Variants in SPTB observed in about 807,000 individuals in gnomAD.
SPTB encodes the protein spectrin beta chain, erythrocytic.
SPTB carries 45 observed loss-of-function variants against 256.2 expected under a neutral mutation model. That is an observed-to-expected ratio of 0.18 (90% confidence interval 0.14 to 0.23). SPTB has a LOEUF of 0.23. Ranked by LOEUF, SPTB falls within the 10% of genes least tolerant of loss-of-function variation. SPTB has a pLI of 1.00. For synonymous variants in SPTB, 1,231 were observed against 1,243.1 expected (o/e 0.99, Z 0.21); for missense variants, 2,715 against 3,040.4 (o/e 0.89, Z 2.52).
At chr14:64,837,233 C>G (rs935194086) in intron 1 of SPTB, among the ~76,000 whole-genome samples, 1 of 152,160 alleles carries the variant, frequency 6.6e-6, no homozygotes, top group Non-Finnish European at 1.5e-5. Context: ...TCTTCATAAC[C>G]AAGAGATTTG....
At chr14:64,769,565 G>T in intron 28 of SPTB, 25 bp downstream of exon 28, 1 of 1,612,932 alleles carries the variant, frequency 6.2e-7, no homozygotes, top group Non-Finnish European at 8.5e-7. Context: ...GGAGGAGCTC[G>T]CCTCCATCCT....
chr14:64,842,254 C>T (rs1395079207), intron 1 of SPTB, among the ~76,000 whole-genome samples: 1 of 152,196 alleles, frequency 6.6e-6, no homozygotes, highest in East Asian at 1.9e-4. Flanking sequence ...AAAATGCTCG[C>T]CACATCTCGT....
chr14:64,855,795 T>C (rs1011791817), intron 1 of SPTB, among the ~76,000 whole-genome samples: 8 of 152,162 alleles, frequency 5.3e-5, no homozygotes, highest in Non-Finnish European at 8.8e-5. Flanking sequence ...GTTCCAGGCA[T>C]GTGGTCTGCC....
chr14:64,760,770 ACT>A lies in SPTB; in HGVS notation c.6345+5954_6345+5955del, dbSNP rs1200606713. ...CTCCCAGCCTCTCTGTAAGGCAGGT[ACT>A]GTTATTACACCTGTGTTACAAATGA... On this transcript the variant is annotated intron_variant, in intron 32 of 35. Coordinates refer to ENST00000644917, the MANE Select transcript of SPTB (RefSeq NM_001355436.2). The surrounding 1 kb of genome is among the most constrained non-coding windows in gnomAD (Gnocchi z 4.3). Among the ~76,000 whole-genome samples the A allele has an allele frequency of 3.3e-5, 5 of 152,184 alleles. No homozygotes were observed. The highest frequency in any genetic ancestry group is 1.2e-4 in the African/African-American group (5 of 41,434).
intron 9 of SPTB, among the ~76,000 whole-genome samples, chr14:64,799,103 G>A (rs1042084621): frequency 4.0e-5 from 6 of 149,986 alleles, no homozygotes; most frequent in African/African-American, 7.5e-5. Flanking sequence ...ATGAGTGCAC[G>A]GTTGTGTGTG....
At chr14:64,864,425 GGCA>G (rs1279676917) in intron 1 of SPTB, among the ~76,000 whole-genome samples, 2 of 152,110 alleles carry the variant, frequency 1.3e-5, no homozygotes, top group Admixed American at 1.3e-4. Flanking sequence ...CTTCAGCCTG[GGCA>G]ACAGAGCAAG....
intron 33 of SPTB, 110 bp from the exon 34 acceptor site, chr14:64,750,264 T>C (rs1484976537): frequency 1.9e-6 from 2 of 1,079,340 alleles, no homozygotes; most frequent in South Asian, 1.8e-5. Flanking sequence ...TTCTGATACA[T>C]AGTAACATGT....
At position 64,786,255 on chromosome 14, in the gene SPTB, A is replaced by C; in HGVS notation, c.3561+149T>G. The C allele has an allele frequency of 8.3e-7, 1 of 1,211,238 alleles. No homozygotes were observed. The highest frequency in any genetic ancestry group is 2.3e-5 in the East Asian group (1 of 42,830). The allele number at this position is 1,211,238 out of a possible 1,614,324, so 75.0% of individuals were successfully genotyped here. A position where few individuals can be genotyped will look rare whatever the true frequency, so the allele number is the denominator to read the frequency against. On this transcript the variant is annotated intron_variant, in intron 16 of 35. Transcript: ENST00000644917. The surrounding 1 kb of genome is among the most constrained non-coding windows in gnomAD (Gnocchi z 5.6). Reference sequence around the variant, plus strand: ...GGACACAAGGCTGGAAAAGGCCCCTAATGAGAAACAAAGATTTCCCCCATG... The same window carrying C: ...GGACACAAGGCTGGAAAAGGCCCCTCATGAGAAACAAAGATTTCCCCCATG...
rs2083338291 is a variant in SPTB at position 64,823,922 on chromosome 14, G to T, written c.-51-777C>A. On this transcript the variant is annotated intron_variant, in intron 1 of 35. Coordinates refer to ENST00000644917, the MANE Select transcript of SPTB (RefSeq NM_001355436.2). The surrounding 1 kb of genome is among the most constrained non-coding windows in gnomAD (Gnocchi z 6.5). ...GGCATCCCATGGACAATGGAACCGT[G>T]CATTGTGAGTCCATGTGATGAACCA... Among the ~76,000 whole-genome samples the T allele has an allele frequency of 6.6e-6, 1 of 152,216 alleles. No individual in the cohort carries two copies. Among genetic ancestry groups the T allele is most frequent in the African/African-American group, 2.4e-5 (1 of 41,456 alleles).
chr14:64,747,988 T>G lies in SPTB; in HGVS notation c.*1318A>C, dbSNP rs1266239499. ...TTCCTGGGGACGTTGGTTGCAGAGCTTCTGGTGCTCAGGGCTGGAGGGTGG... is the reference window on the plus strand; with the variant it reads ...TTCCTGGGGACGTTGGTTGCAGAGCGTCTGGTGCTCAGGGCTGGAGGGTGG... On this transcript the variant is annotated 3_prime_UTR_variant, in exon 36 of 36. Transcript: ENST00000644917. 6.6e-6 allele frequency: 1 copy of G among 152,108 alleles called. No individual in the cohort carries two copies. The highest frequency in any genetic ancestry group is 2.4e-5 in the African/African-American group (1 of 41,360). 9.4% of individuals were successfully genotyped at this position (152,108 alleles called of 1,614,324 possible).
chr14:64,815,063 A>G (rs1000402820), intron 2 of SPTB, among the ~76,000 whole-genome samples: 1 of 151,906 alleles, frequency 6.6e-6, no homozygotes, highest in African/African-American at 2.4e-5. Context: ...GGGGGTGAGA[A>G]GCAGTGAATT....
At position 64,764,386 on chromosome 14, in the gene SPTB, G is replaced by A. The variant is rs990368534; in HGVS notation, c.6345+2340C>T. 2.0e-5 allele frequency among the ~76,000 whole-genome samples: 3 copies of A among 152,236 alleles called. No homozygotes were observed. The highest frequency in any genetic ancestry group is 4.4e-5 in the Non-Finnish European group (3 of 68,040). On this transcript the variant is annotated intron_variant, in intron 32 of 35. Coordinates refer to ENST00000644917, the MANE Select transcript of SPTB (RefSeq NM_001355436.2). This position sits in a 1 kb window ranked among gnomAD's most constrained non-coding sequence, Gnocchi z 4.2. ...AAGGCTCAGAAGGGAGCAGCAGCAG[G>A]AAATCTGTGCGTGAGGCCTTGGGTC...
rs1328524297 is a variant in SPTB, at chr14:64,772,563, C to T, written c.5553+17G>A. On this transcript the variant is annotated intron_variant, in intron 26 of 35. Transcript: ENST00000644917. This position sits in a 1 kb window ranked among gnomAD's most constrained non-coding sequence, Gnocchi z 5.4. ...CTGGAAATTGGTAGCAGGTGGGCGG[C>T]AGGGGGCTGAAGGTACCTGGACACC... 6.2e-7 allele frequency: 1 copy of T among 1,602,200 alleles called. No homozygotes were observed. The highest frequency in any genetic ancestry group is 8.5e-7 in the Non-Finnish European group (1 of 1,179,776).
chr14:64,769,731 G>T lies in SPTB; in HGVS notation c.5799-3C>A, dbSNP rs757579872. The T allele has an allele frequency of 1.5e-5, 25 of 1,614,024 alleles. No individual in the cohort carries two copies. The highest frequency in any genetic ancestry group is 3.3e-5 in the South Asian group (3 of 91,084). ...GCAGTTCCACAGAGGAGACATCCCT[G>T]GGGGACAGGAGGACAAGGGAAGAAG... On this transcript the variant is annotated splice_polypyrimidine_tract_variant and splice_region_variant and intron_variant, in intron 27 of 35. Transcript: ENST00000644917.
At position 64,766,715 on chromosome 14, in the gene SPTB, C is replaced by T; in HGVS notation, c.6345+11G>A. Reference sequence around the variant, plus strand: ...CTCCCAGGAACTAGACAAACGAGACCAGAGACTGACCGGGGACGTTCTCTC... The same window carrying T: ...CTCCCAGGAACTAGACAAACGAGACTAGAGACTGACCGGGGACGTTCTCTC... On this transcript the variant is annotated intron_variant, in intron 32 of 35. Transcript: ENST00000644917. 6.2e-7 allele frequency: 1 copy of T among 1,613,536 alleles called. No individual in the cohort carries two copies. Among genetic ancestry groups the T allele is most frequent in the Non-Finnish European group, 8.5e-7 (1 of 1,179,924 alleles).
intron 1 of SPTB, among the ~76,000 whole-genome samples, chr14:64,849,785 T>C (rs1280172651): frequency 1.3e-5 from 2 of 152,210 alleles, no homozygotes; most frequent in Admixed American, 6.5e-5. Context: ...AGAGGGGCTA[T>C]GTGGCTACTA....
At position 64,802,859 on chromosome 14, in the gene SPTB, T is replaced by C. The variant is rs1214974293; in HGVS notation, c.475-542A>G. ...AGAATGCAGAGAATCAGTGACAAGA[T>C]GCCCTGATTCCTCCTCTGGAGGTGC... On this transcript the variant is annotated intron_variant, in intron 4 of 35. Transcript: ENST00000644917. The surrounding 1 kb of genome is among the most constrained non-coding windows in gnomAD (Gnocchi z 5.1). Among the ~76,000 whole-genome samples, 1 of 152,206 alleles carries C rather than the reference T, an allele frequency of 6.6e-6. No homozygotes were observed. The highest frequency in any genetic ancestry group is 2.4e-5 in the African/African-American group (1 of 41,468).
At chr14:64,794,311 T>C (rs1566765736) in intron 13 of SPTB, among the ~76,000 whole-genome samples, 156 bp downstream of exon 13, 1 of 152,206 alleles carries the variant, frequency 6.6e-6, no homozygotes, top group African/African-American at 2.4e-5. Flanking sequence ...CTAGAGAATT[T>C]GGCTGGTCCC....
At chr14:64,766,974 A>G (rs999750781) in intron 31 of SPTB, among the ~76,000 whole-genome samples, 173 bp from the exon 32 acceptor site, 7 of 152,120 alleles carry the variant, frequency 4.6e-5, no homozygotes, top group Non-Finnish European at 1.0e-4. Context: ...ACTTCTTCGG[A>G]AAAGCCAAGG....
Sources: gnomAD v4.1 joint callset for allele counts (sites outside exome capture counted in the v4.1 genomes callset) on GRCh38, gnomAD v4.1.1 for gene constraint, Gnocchi (gnomAD v3.1) non-coding constraint, MANE v1.5 for transcripts, NCBI Gene and HGNC (gene_info 2026-07-23, HGNC 2026-07-21) for gene names.